Variants in F3 observed in about 807,000 individuals in gnomAD.
The protein encoded by F3 is coagulation factor III, tissue factor.
In F3, 18 loss-of-function variants were observed where a neutral mutation model predicts 33.5. That is an observed-to-expected ratio of 0.54 (90% CI 0.37 to 0.80). The LOEUF (loss-of-function observed/expected upper bound fraction) is 0.80. Among genes scored for constraint, F3 ranks in the 30% least tolerant of loss-of-function variants. F3 has a pLI of 0.00. For synonymous variants in F3, 147 were observed against 140.7 expected, an observed-to-expected ratio of 1.05 and a Z score of -0.32; for missense variants, 353 against 362.1, an observed-to-expected ratio of 0.97 and a Z score of 0.20.
At chr1:94,532,942 C>T (rs1651473618) in intron 4 of F3, 148 bp downstream of exon 4, 1 of 761,558 alleles carries the variant, frequency 1.3e-6, no homozygotes, top group Non-Finnish European at 2.1e-6. Flanking sequence ...GTTGTCCACC[C>T]CTCCCCACAG....
intron 2 of F3, among the ~76,000 whole-genome samples, chr1:94,536,710 T>A (rs1651619919): frequency 6.6e-6 from 1 of 152,080 alleles, no homozygotes; most frequent in South Asian, 2.1e-4. Flanking sequence ...TGAGACAAAG[T>A]GAGGTTGTTT....
At position 94,536,012 on chromosome 1, in the gene F3, C is replaced by G; in HGVS notation, c.365G>C (p.Gly122Ala). ...AGNVESTGSA[G>A]EPLYENSPEF... ...TGGGGAGTTCTCATACAGAGGCTCC[C>G]CAGCAGAACCGGTGCTCTCCACATT... is the stretch of plus-strand genomic sequence containing the variant. Residue 122 changes from glycine to alanine, a missense_variant, in exon 3 of 6, where the codon GGG becomes GCG. Physicochemically the swap from Gly to Ala is moderately conservative, Grantham distance 60 (BLOSUM62 0). Coordinates refer to ENST00000334047, the MANE Select transcript of F3 (RefSeq NM_001993.5). 6.2e-7 allele frequency: 1 copy of G among 1,614,168 alleles called. No homozygotes were observed. Among genetic ancestry groups the G allele is most frequent in the South Asian group, 1.1e-5 (1 of 91,070 alleles).
intron 3 of F3, among the ~76,000 whole-genome samples, chr1:94,535,447 G>A (rs1651573615): frequency 6.6e-6 from 1 of 152,016 alleles, no homozygotes; most frequent in South Asian, 2.1e-4. Flanking sequence ...GCACATCACG[G>A]AACTCAAATC....
In F3 at chr1:94,529,454, C is replaced by A. The variant is rs1651348378; in HGVS notation, c.*1006G>T. 3.3e-5 allele frequency: 5 copies of A among 152,354 alleles called. No individual in the cohort carries two copies. The South Asian group carries it at 1.0e-3, about 32-fold the overall frequency. The allele number at this position is 152,354 out of a possible 1,614,324, so 9.4% of individuals were successfully genotyped here. On this transcript the variant is annotated 3_prime_UTR_variant, in exon 6 of 6. Transcript: ENST00000334047. Reference sequence around the variant, plus strand: ...AAAAAATTATATATACAATGTCAACCATAGAAGCTTTAAGTACCTTAAATC... The same window carrying A: ...AAAAAATTATATATACAATGTCAACAATAGAAGCTTTAAGTACCTTAAATC...
At chr1:94,538,838 G>A (rs1317487668) in intron 2 of F3, among the ~76,000 whole-genome samples, 1 of 152,208 alleles carries the variant, frequency 6.6e-6, no homozygotes, top group East Asian at 1.9e-4. Flanking sequence ...ACAGCAGCAA[G>A]AGATTGTTCA....
intron 3 of F3, among the ~76,000 whole-genome samples, chr1:94,534,221 G>A (rs956236040): frequency 2.0e-5 from 3 of 152,002 alleles, no homozygotes; most frequent in African/African-American, 7.3e-5. Flanking sequence ...TTACTTTATT[G>A]TAAGAATACA....
intron 1 of F3, chr1:94,540,684 T>C (rs952170715): frequency 7.4e-6 from 2 of 269,312 alleles, no homozygotes; most frequent in Non-Finnish European, 1.4e-5. Context: ...AGTGTGCCAG[T>C]CCAGGACTCA....
At chr1:94,540,668 G>A in intron 1 of F3, 1 of 310,608 alleles carries the variant, frequency 3.2e-6, no homozygotes, top group Non-Finnish European at 6.0e-6. Flanking sequence ...AGAGCCCAGA[G>A]CCATCAGTGT....
intron 5 of F3, among the ~76,000 whole-genome samples, chr1:94,530,920 C>T (rs1396260186): frequency 2.0e-5 from 3 of 152,216 alleles, no homozygotes; most frequent in South Asian, 2.1e-4. Flanking sequence ...ATGATTATAA[C>T]GGAAGGTGAA....
In F3 at chr1:94,530,614, T is replaced by C. The variant is rs761972979; in HGVS notation, c.752-18A>G. On this transcript the variant is annotated intron_variant, in intron 5 of 5. Coordinates refer to ENST00000334047, the MANE Select transcript of F3 (RefSeq NM_001993.5). ...GAATATTTCTGAAAAATAAAGGGCA[T>C]CTAGTCAACTTGGAGAGCTCAAATC... is the stretch of plus-strand genomic sequence containing the variant. 18 of 1,613,778 alleles carry C rather than the reference T, an allele frequency of 1.1e-5. No individual in the cohort carries two copies. The African/African-American group carries it at 1.6e-4, about 14-fold the overall frequency.
chr1:94,536,316 T>C, intron 2 of F3, 152 bp from the exon 3 acceptor site: 1 of 695,356 alleles, frequency 1.4e-6, no homozygotes, highest in Admixed American at 2.6e-5. Flanking sequence ...GCACTTTGCT[T>C]TTTTTTAAAC....
intron 3 of F3, 41 bp from the exon 4 acceptor site, chr1:94,533,309 C>T (rs1557701085): frequency 6.3e-7 from 1 of 1,584,416 alleles, no homozygotes. Flanking sequence ...CCAAAGAATT[C>T]TGTACAAAGT....
At position 94,536,064 on chromosome 1, in the gene F3, C is replaced by A; in HGVS notation, c.313G>T (p.Ala105Ser). The change falls in exon 3 of 6, where the codon GCA becomes TCA. Residue 105 changes from alanine to serine, a missense_variant. Coordinates refer to ENST00000334047, the MANE Select transcript of F3 (RefSeq NM_001993.5). Reference protein sequence around the residue: ...IVKDVKQTYLARVFSYPAGNV... With the variant: ...IVKDVKQTYLSRVFSYPAGNV... ...CCTGCCGGGTAGGAGAAGACCCGTG[C>A]CAAGTACGTCTGCTTCACATCCTTC... 6.2e-7 allele frequency: 1 copy of A among 1,614,168 alleles called. No individual in the cohort carries two copies. The highest frequency in any genetic ancestry group is 2.2e-5 in the East Asian group (1 of 44,880).
At chr1:94,535,930 C>G in intron 3 of F3, 35 bp downstream of exon 3, 1 of 1,583,578 alleles carries the variant, frequency 6.3e-7, no homozygotes, top group Non-Finnish European at 8.7e-7. Context: ...ACGTTTCTAA[C>G]AAGAATGAAC....
chr1:94,534,913 T>C (rs986266154), intron 3 of F3, among the ~76,000 whole-genome samples: 6 of 152,088 alleles, frequency 3.9e-5, no homozygotes, highest in Non-Finnish European at 8.8e-5. Flanking sequence ...ATGTCAACCA[T>C]GCCACAGTCA....
chr1:94,537,839 T>A (rs1256873429), intron 2 of F3, among the ~76,000 whole-genome samples: 2 of 152,252 alleles, frequency 1.3e-5, no homozygotes, highest in Admixed American at 6.5e-5. Context: ...ATGTGTTTTA[T>A]TTTATCATTT....
Position 94,532,385 on chromosome 1 carries a change from T to A in F3, c.687A>T (p.Thr229=), listed in dbSNP as rs1029259258. The change falls in exon 5 of 6, where the codon ACA becomes ACT. Residue 229 remains threonine, a synonymous_variant. Transcript: ENST00000334047. ...FSVQAVIPSR[T]VNRKSTDSPV... ...GGCTGTCTGTACTCTTCCGGTTAAC[T>A]GTTCGGGAGGGAATCACTGCTTGAA... is the stretch of plus-strand genomic sequence containing the variant. The A allele has an allele frequency of 2.5e-6, 4 of 1,614,078 alleles. No individual in the cohort carries two copies. Among genetic ancestry groups the A allele is most frequent in the South Asian group, 1.1e-5 (1 of 91,092 alleles).
chr1:94,541,421 C>G (rs1014489151), intron 1 of F3, 116 bp downstream of exon 1: 70 of 786,808 alleles, frequency 8.9e-5, no homozygotes, highest in Non-Finnish European at 1.2e-4. Context: ...GTCCCGTAGG[C>G]GCGGGGGACA....
At position 94,532,315 on chromosome 1, in the gene F3, A is replaced by T; in HGVS notation, c.751+6T>A. On this transcript the variant is annotated splice_donor_region_variant and intron_variant, in intron 5 of 5. Coordinates refer to ENST00000334047, the MANE Select transcript of F3 (RefSeq NM_001993.5). ...CCCCAGGCAAATGGCTGGCAGAGCC[A>T]CTCACCTCTGAATTCCCCTTTCTCC... The T allele has an allele frequency of 6.2e-7, 1 of 1,612,774 alleles. No homozygotes were observed. Among genetic ancestry groups the T allele is most frequent in the Non-Finnish European group, 8.5e-7 (1 of 1,179,236 alleles).
Sources: allele counts gnomAD v4.1 joint callset (sites outside exome capture counted in the v4.1 genomes callset), GRCh38; gene constraint gnomAD v4.1.1; transcripts MANE v1.5; gene names NCBI Gene and HGNC (gene_info 2026-07-23, HGNC 2026-07-21).